Variants in SPTAN1 observed in about 807,000 individuals in gnomAD.
SPTAN1 encodes the protein spectrin alpha chain, non-erythrocytic 1.
In SPTAN1, 61 loss-of-function variants were observed where a neutral mutation model predicts 331.3. The ratio of observed to expected loss-of-function variants is 0.18; its 90% CI spans 0.15 to 0.23. The LOEUF is 0.23. Ranked by LOEUF, SPTAN1 falls within the 10% of genes least tolerant of loss-of-function variation. The pLI, the probability that SPTAN1 is intolerant of heterozygous loss-of-function variation, is 1.00. For missense variants in SPTAN1, 2,043 were observed against 3,147.9 expected (o/e 0.65, Z 8.40); for synonymous variants, 1,153 against 1,173.9 (o/e 0.98, Z 0.36).
At chr9:128,613,255 A>G (rs558595036) in intron 39 of SPTAN1, 126 bp from the exon 40 acceptor site, 43 of 773,704 alleles carry the variant, frequency 5.6e-5, no homozygotes, top group South Asian at 8.7e-5. Flanking sequence ...ACAGTAACAC[A>G]TTGTGATGGA....
At chr9:128,604,855 C>T (rs184156355) in intron 29 of SPTAN1, among the ~76,000 whole-genome samples, 179 bp from the exon 30 acceptor site, 126 of 152,124 alleles carry the variant, frequency 8.3e-4, no homozygotes, top group African/African-American at 2.6e-3. Flanking sequence ...CACTTGAACC[C>T]GGTGGGGGCG....
intron 18 of SPTAN1, among the ~76,000 whole-genome samples, chr9:128,585,295 C>A (rs964751380): frequency 1.3e-5 from 2 of 152,150 alleles, no homozygotes; most frequent in Admixed American, 1.3e-4. Flanking sequence ...TCCCAAAGTG[C>A]TGGGATTACA....
At chr9:128,579,770 C>G (rs937236011) in intron 10 of SPTAN1, 32 bp downstream of exon 10, 12 of 1,510,932 alleles carry the variant, frequency 7.9e-6, no homozygotes, top group Non-Finnish European at 1.1e-5. Flanking sequence ...TTTTGAGGAG[C>G]AAATTACACC....
At chr9:128,586,112 G>GTTTTTTTTTTTTTTTTTTTTTTTTTTTTT (rs35434571) in intron 19 of SPTAN1, 147 bp downstream of exon 19, 1 of 206,702 alleles carries the variant, frequency 4.8e-6, no homozygotes. Flanking sequence ...TTTTCACTTG[G>GTTTTTTTTTTTTTTTTTTTTTTTTTTTTT]TTTTTTTTTT....
At chr9:128,595,120 T>C (rs1305707564) in intron 24 of SPTAN1, among the ~76,000 whole-genome samples, 2 of 152,060 alleles carry the variant, frequency 1.3e-5, no homozygotes, top group African/African-American at 4.8e-5. Context: ...TCAGTTTTTT[T>C]TTTGTTCAAG....
intron 1 of SPTAN1, among the ~76,000 whole-genome samples, chr9:128,557,255 T>C (rs958960924): frequency 1.2e-4 from 19 of 152,230 alleles, no homozygotes; most frequent in African/African-American, 4.6e-4. Flanking sequence ...TCCAAATGTC[T>C]CTTACATCCA....
chr9:128,580,849 A>T, intron 10 of SPTAN1, 73 bp from the exon 11 acceptor site: 2 of 1,603,810 alleles, frequency 1.2e-6, no homozygotes, highest in South Asian at 2.2e-5. Context: ...GAATTCCAGG[A>T]TAGCTGTTCT....
At chr9:128,610,055 G>A (rs1856399075) in intron 37 of SPTAN1, among the ~76,000 whole-genome samples, 1 of 152,186 alleles carries the variant, frequency 6.6e-6, no homozygotes, top group South Asian at 2.1e-4. Flanking sequence ...GGTGGCCTGG[G>A]TTGGGGAGGC....
chr9:128,607,786 G>A, intron 32 of SPTAN1, 66 bp from the exon 33 acceptor site: 1 of 1,611,212 alleles, frequency 6.2e-7, no homozygotes, highest in African/African-American at 1.3e-5. Context: ...TTTGTGGTGA[G>A]TCGGTGGTTG....
chr9:128,603,855 G>A (rs1317272033), intron 28 of SPTAN1, among the ~76,000 whole-genome samples: 1 of 152,240 alleles, frequency 6.6e-6, no homozygotes, highest in Non-Finnish European at 1.5e-5. Context: ...GCTGGAAGGA[G>A]CACAGTCTCA....
intron 26 of SPTAN1, 39 bp from the exon 27 acceptor site, chr9:128,600,041 C>T (rs1467542526): frequency 1.2e-6 from 2 of 1,612,828 alleles, no homozygotes; most frequent in Non-Finnish European, 1.7e-6. Context: ...GTTTCATGGT[C>T]AATTGCTTGG....
chr9:128,593,163 C>T, intron 23 of SPTAN1, 121 bp downstream of exon 23: 1 of 1,084,706 alleles, frequency 9.2e-7, no homozygotes, highest in East Asian at 2.6e-5. Flanking sequence ...GGAGGAACTG[C>T]CTGTCCGTGC....
chr9:128,577,237 G>A lies in SPTAN1; in HGVS notation c.894G>A (p.Glu298=). Reference sequence around the variant, plus strand: ...TTCAGGCTCTGCTTCGGAAGCACGAGGGTCTGGAGAGAGATCTTGCTGCTC... The same window carrying A: ...TTCAGGCTCTGCTTCGGAAGCACGAAGGTCTGGAGAGAGATCTTGCTGCTC... ...ASVQALLRKH[E]GLERDLAALE... The change falls in exon 7 of 57, where the codon GAG becomes GAA. Residue 298 remains glutamate (E), a synonymous_variant. Transcript: ENST00000372739. This position sits in a 1 kb window ranked among gnomAD's most constrained non-coding sequence, Gnocchi z 4.2. 6.2e-7 allele frequency: 1 copy of A among 1,614,180 alleles called. No homozygotes were observed. Among genetic ancestry groups the A allele is most frequent in the Non-Finnish European group, 8.5e-7 (1 of 1,180,020 alleles).
intron 27 of SPTAN1, among the ~76,000 whole-genome samples, chr9:128,600,859 C>T (rs376238795): frequency 1.3e-5 from 2 of 151,434 alleles, no homozygotes; most frequent in African/African-American, 2.4e-5. Flanking sequence ...GACAGGGTTT[C>T]GCCATGTTGG....
chr9:128,562,028 A>G (rs7045233), intron 1 of SPTAN1, among the ~76,000 whole-genome samples: 148,055 of 152,286 alleles, frequency 0.97, 72,119 homozygotes, highest in East Asian at 1. Flanking sequence ...TGAATGATAG[A>G]GGTGGGTGGT....
intron 29 of SPTAN1, 65 bp downstream of exon 29, chr9:128,604,482 C>T: frequency 6.6e-7 from 1 of 1,505,120 alleles, no homozygotes. Flanking sequence ...TGACAGCCCC[C>T]AAGCTTGCTG....
chr9:128,632,995 A>G, intron 56 of SPTAN1, 40 bp downstream of exon 56: 1 of 1,606,670 alleles, frequency 6.2e-7, no homozygotes, highest in Non-Finnish European at 8.5e-7. Context: ...TGTCCTTTGG[A>G]AAACTAAAGC....
chr9:128,563,026 A>C, intron 1 of SPTAN1, among the ~76,000 whole-genome samples: 1 of 141,864 alleles, frequency 7.0e-6, no homozygotes, highest in East Asian at 2.0e-4. Context: ...ATATATATAT[A>C]TGTATATATT....
chr9:128,584,269 T>G lies in SPTAN1; in HGVS notation c.2194-13T>G, dbSNP rs28676915. ...CCCAAAGTAAAGTCTGCTCTGTCCT[T>G]TTGCATTCCCAGGACCGAATTGATG... On this transcript the variant is annotated splice_polypyrimidine_tract_variant and intron_variant, in intron 16 of 56. Coordinates refer to ENST00000372739, the MANE Select transcript of SPTAN1 (RefSeq NM_001130438.3). 1.6e-3 allele frequency: 2,619 copies of G among 1,614,170 alleles called. 41 individuals are homozygous for G. In the African/African-American group the frequency reaches 0.031, roughly 19 times the overall value.
Sources: gnomAD v4.1 joint callset for allele counts (sites outside exome capture counted in the v4.1 genomes callset) on GRCh38, gnomAD v4.1.1 for gene constraint, Gnocchi (gnomAD v3.1) non-coding constraint, MANE v1.5 for transcripts, NCBI Gene and HGNC (gene_info 2026-07-23, HGNC 2026-07-21) for gene names.